LILRB2: variants seen among roughly 807,000 people sequenced by gnomAD.
LILRB2 encodes the protein leukocyte immunoglobulin like receptor B2.
Under a neutral mutation model 72.7 loss-of-function variants are expected in LILRB2, and 47 were observed. The ratio of observed to expected loss-of-function variants is 0.65; its 90% CI spans 0.51 to 0.82. The LOEUF is 0.82. Ranked by LOEUF, LILRB2 falls within the 40% of genes least tolerant of loss-of-function variation. The pLI is 0.00. For missense variants in LILRB2, 767 were observed against 764.8 expected, an observed-to-expected ratio of 1.00 and a Z score of -0.03; for synonymous variants, 279 against 313.7, an observed-to-expected ratio of 0.89 and a Z score of 1.17.
intron 6 of LILRB2, 91 bp from the exon 7 acceptor site, chr19:54,278,653 T>A (rs1014916057): frequency 1.4e-6 from 2 of 1,475,300 alleles, no homozygotes; most frequent in Admixed American, 2.1e-5. Context: ...GTCTCTGTTT[T>A]CTCTGAGTCT....
Position 54,277,931 on chromosome 19 carries a change from T to C in LILRB2, c.1267A>G (p.Met423Val). The C allele has an allele frequency of 2.0e-6, 3 of 1,529,474 alleles. No homozygotes were observed. Among genetic ancestry groups the C allele is most frequent in the African/African-American group, 1.4e-5 (1 of 71,860 alleles). The allele number at this position is 1,529,474 out of a possible 1,614,324, so 94.7% of individuals were successfully genotyped here. A position where few individuals can be genotyped will look rare whatever the true frequency, so the allele number is the denominator to read the frequency against. ...PLELVVSGPS[M>V]GSSPPPTGPI... ...CCGGTGGGTGGGGGGCTGGAACCCA[T>C]GGAGGGTCCTGGGTGAAAGAATGAG... The change falls in exon 8 of 14, where the codon ATG becomes GTG. Residue 423 changes from methionine (M) to valine (V), a missense_variant. Physicochemically the swap from Met to Val is conservative, Grantham distance 21. This residue lies in a region of LILRB2 where 599 missense variants were observed against 568.2 expected (regional missense o/e 1.05). Transcript: ENST00000314446.
chr19:54,279,914 C>G lies in LILRB2; in HGVS notation c.232G>C (p.Val78Leu). ...GGGATGTGGAACTGGCCGTTCTTCA[C>G]AAGCTCTGGTCGTATCCGTGTAATC... ...SWITRIRPEL[V>L]KNGQFHIPSI... The change falls in exon 4 of 14, where the codon GTG (valine) becomes CTG (leucine). Residue 78 changes from valine (V) to leucine (L), a missense_variant. Transcript: ENST00000314446. 1.9e-6 allele frequency: 3 copies of G among 1,614,160 alleles called. No individual in the cohort carries two copies. Among genetic ancestry groups the G allele is most frequent in the Non-Finnish European group, 2.5e-6 (3 of 1,180,022 alleles).
At chr19:54,280,606 C>G (rs2080506470) in intron 1 of LILRB2, 62 bp from the exon 2 acceptor site, 1 of 1,554,662 alleles carries the variant, frequency 6.4e-7, no homozygotes, top group African/African-American at 1.4e-5. Flanking sequence ...TGTGTGGACA[C>G]TCAGAGGCTG....
At chr19:54,278,651 TTTC>T in intron 6 of LILRB2, 89 bp from the exon 7 acceptor site, 1 of 1,458,312 alleles carries the variant, frequency 6.9e-7, no homozygotes, top group Non-Finnish European at 9.2e-7. Context: ...CTGTCTCTGT[TTTC>T]TCTGAGTCTT....
rs35440540 is a variant in LILRB2 at position 54,275,952 on chromosome 19, C to T, written c.1646G>A (p.Arg549Gln). Reference sequence around the variant, plus strand: ...CCTGGGACAGGGGCGGGGTCTCACCCGAGTGTCCATCTCCACCCCATCTTC... The same window carrying T: ...CCTGGGACAGGGGCGGGGTCTCACCTGAGTGTCCATCTCCACCCCATCTTC... The part of the protein sequence containing the change: ...QPEDGVEMDT[R>Q]AAASEAPQDV... Residue 549 changes from arginine (R) to glutamine (Q), a missense_variant and splice_region_variant, in exon 13 of 14, where the codon CGG (arginine) becomes CAG (glutamine). This residue lies in a region of LILRB2 where 162 missense variants were observed against 176.7 expected (regional missense o/e 0.92). Coordinates refer to ENST00000314446, the MANE Select transcript of LILRB2 (RefSeq NM_001080978.4). 2,654 of 1,614,080 alleles carry T rather than the reference C, an allele frequency of 1.6e-3. 4 individuals are homozygous for T. Among genetic ancestry groups the T allele is most frequent in the Admixed American group, 3.1e-3 (187 of 60,030 alleles).
At chr19:54,278,086 G>T in intron 7 of LILRB2, 147 bp from the exon 8 acceptor site, 1 of 1,127,426 alleles carries the variant, frequency 8.9e-7, no homozygotes, top group Non-Finnish European at 1.2e-6. Context: ...CGATGCCGCT[G>T]AGTGTGCGCA....
chr19:54,278,115 G>A lies in LILRB2; in HGVS notation c.1258+145C>T, dbSNP rs7246530. ...GTGCGCAGGCCTGGGAGGGCCTGTT[G>A]TCCTCCTTCCCTCTGAGGGTGAGTC... On this transcript the variant is annotated intron_variant, in intron 7 of 13. Coordinates refer to ENST00000314446, the MANE Select transcript of LILRB2 (RefSeq NM_001080978.4). 11 of 1,247,680 alleles carry A rather than the reference G, an allele frequency of 8.8e-6. No homozygotes were observed. In the East Asian group the frequency reaches 2.7e-4, roughly 31 times the overall value. 77.3% of individuals were successfully genotyped at this position (1,247,680 alleles called of 1,614,324 possible).
intron 1 of LILRB2, 80 bp from the exon 2 acceptor site, chr19:54,280,624 C>T: frequency 6.4e-7 from 1 of 1,554,170 alleles, no homozygotes; most frequent in Non-Finnish European, 8.8e-7. Context: ...CTGGGTCCTT[C>T]TCATGGGGTG....
intron 8 of LILRB2, 98 bp downstream of exon 8, chr19:54,277,791 T>C: frequency 1.5e-6 from 2 of 1,332,956 alleles, no homozygotes; most frequent in South Asian, 1.3e-5. Flanking sequence ...ACAGAAGCCC[T>C]TGATTGAGTC....
intron 13 of LILRB2, chr19:54,275,308 G>C: frequency 5.1e-6 from 3 of 592,762 alleles, no homozygotes; most frequent in Non-Finnish European, 9.1e-6. Flanking sequence ...CTGCTGCCTC[G>C]GGGCCTTTGC....
intron 13 of LILRB2, chr19:54,275,400 T>C (rs1313181309): frequency 2.0e-6 from 1 of 502,662 alleles, no homozygotes; most frequent in African/African-American, 1.9e-5. Context: ...AGATGACAGC[T>C]GAGCAGACAG....
rs570353939 is a variant in LILRB2 at position 54,279,386 on chromosome 19, A to T, written c.617T>A (p.Val206Glu). ...CYGYDLNSPY[V>E]WSSPSDLLEL... ...CAGGAGATCACTGGGTGAAGACCACACATAGGGAGAGTTCAAGTCATAACC... is the reference window on the plus strand; with the variant it reads ...CAGGAGATCACTGGGTGAAGACCACTCATAGGGAGAGTTCAAGTCATAACC... Residue 206 changes from valine to glutamate, a missense_variant, in exon 5 of 14, where the codon GTG becomes GAG. Val to Glu is a moderately radical substitution (Grantham distance 121). Coordinates refer to ENST00000314446, the MANE Select transcript of LILRB2 (RefSeq NM_001080978.4). 2 of 1,614,086 alleles carry T rather than the reference A, an allele frequency of 1.2e-6. No individual in the cohort carries two copies. The highest frequency in any genetic ancestry group is 2.2e-5 in the East Asian group (1 of 44,870).
At chr19:54,279,220 G>A (rs1187923332) in intron 5 of LILRB2, 112 bp from the exon 6 acceptor site, 26 of 1,541,308 alleles carry the variant, frequency 1.7e-5, no homozygotes, top group Non-Finnish European at 2.2e-5. Context: ...CTGGCCCCAG[G>A]ACCCCTGAGC....
chr19:54,278,524 C>CT lies in LILRB2; in HGVS notation c.993dup (p.Gly332ArgfsTer32). 6.2e-7 allele frequency: 1 copy of CT among 1,614,272 alleles called. No individual in the cohort carries two copies. On this transcript the variant is annotated frameshift_variant, in exon 7 of 14. Coordinates refer to ENST00000314446, the MANE Select transcript of LILRB2 (RefSeq NM_001080978.4). LOFTEE classifies it high-confidence loss of function. ...TTCTCTCCTGAGGCCACTGTGGGGCCTGGCTGCACTGAGATGAAGGGTGTG... is the reference window on the plus strand; with the variant it reads ...TTCTCTCCTGAGGCCACTGTGGGGCCTTGGCTGCACTGAGATGAAGGGTGTG...
In LILRB2 at chr19:54,277,604, G is replaced by C. The variant is rs374411509; in HGVS notation, c.1310-7C>G. 3.8e-4 allele frequency: 601 copies of C among 1,570,402 alleles called. 1 individual carries two copies. The African/African-American group carries it at 6.9e-3, about 18-fold the overall frequency. On this transcript the variant is annotated splice_region_variant and splice_polypyrimidine_tract_variant and intron_variant, in intron 8 of 13. Transcript: ENST00000314446. ...AGGGGCTGGTCCTCAGGGCCTGCTG[G>C]GTCAGGACGGGGAGGTGAGGGCTGG...
Position 54,278,911 on chromosome 19 carries a change from C to G in LILRB2, c.856G>C (p.Val286Leu), listed in dbSNP as rs148104591. ...TACTGGCCCCCGTAGGAGCGGCTCACAGGGCCCAGGGTGAAGTTGGCCTGG... is the reference window on the plus strand; with the variant it reads ...TACTGGCCCCCGTAGGAGCGGCTCAGAGGGCCCAGGGTGAAGTTGGCCTGG... Reference protein sequence around the residue: ...LSQANFTLGPVSRSYGGQYRC... With the variant: ...LSQANFTLGPLSRSYGGQYRC... Residue 286 changes from valine to leucine, a missense_variant, in exon 6 of 14, where the codon GTG becomes CTG. Around this residue, in one of 3 missense-constraint regions of LILRB2, gnomAD observed 599 missense variants for 568.2 expected, o/e 1.05. Transcript: ENST00000314446. 305 of 1,614,188 alleles carry G rather than the reference C, an allele frequency of 1.9e-4. No individual in the cohort carries two copies. The African/African-American group carries it at 3.7e-3, about 20-fold the overall frequency.
chr19:54,278,253 C>CGG lies in LILRB2; in HGVS notation c.1258+6_1258+7insCC. 1 of 1,613,900 alleles carries CGG rather than the reference C, an allele frequency of 6.2e-7. No individual in the cohort carries two copies. The highest frequency in any genetic ancestry group is 1.3e-5 in the African/African-American group (1 of 74,912). ...GAGCTCAGAGAGGACAGGGTCAAGG[C>CGG]CCCCACCTGAGACCACGAGCTCCAG... On this transcript the variant is annotated splice_region_variant and intron_variant, in intron 7 of 13. Transcript: ENST00000314446.
chr19:54,274,579 T>A lies in LILRB2; in HGVS notation c.*104A>T. On this transcript the variant is annotated 3_prime_UTR_variant, in exon 14 of 14. Coordinates refer to ENST00000314446, the MANE Select transcript of LILRB2 (RefSeq NM_001080978.4). ...ATCTCCTCATGGTCTTTGTTAGGGG[T>A]CCAGGCTGACTGGGGTTCATTGGTG... 1 of 1,583,888 alleles carries A rather than the reference T, an allele frequency of 6.3e-7. No homozygotes were observed. Among genetic ancestry groups the A allele is most frequent in the South Asian group, 1.2e-5 (1 of 86,776 alleles).
intron 13 of LILRB2, chr19:54,275,684 C>G (rs568212812): frequency 2.4e-4 from 144 of 607,272 alleles, no homozygotes; most frequent in Non-Finnish European, 3.1e-4. Context: ...TCATTTATTC[C>G]TCATCCTCCA....
Sources: gnomAD v4.1 joint callset for allele counts on GRCh38, gnomAD v4.1.1 for gene constraint, gnomAD v4.1.1 regional missense constraint, MANE v1.5 for transcripts, NCBI Gene and HGNC (gene_info 2026-07-23, HGNC 2026-07-21) for gene names.